Variants in DGKG observed in about 807,000 individuals in gnomAD.
DGKG encodes the protein diacylglycerol kinase gamma.
Under a neutral mutation model 105.3 loss-of-function variants are expected in DGKG, and 78 were observed. The ratio of observed to expected loss-of-function variants is 0.74; its 90% CI spans 0.62 to 0.89. The LOEUF is 0.89. DGKG is among the 40% of genes least tolerant of loss of function. The pLI is 0.00. For synonymous variants in DGKG, 346 were observed against 367.1 expected (o/e 0.94, Z 0.66); for missense variants, 958 against 1,020.1 (o/e 0.94, Z 0.83).
At chr3:186,330,719 C>T (rs1264525592) in intron 1 of DGKG, among the ~76,000 whole-genome samples, 1 of 152,176 alleles carries the variant, frequency 6.6e-6, no homozygotes, top group Non-Finnish European at 1.5e-5. Flanking sequence ...GCCATTCCAG[C>T]CAGCACCCAG....
At chr3:186,328,636 C>T (rs545606566) in intron 1 of DGKG, among the ~76,000 whole-genome samples, 1 of 149,500 alleles carries the variant, frequency 6.7e-6, no homozygotes, top group South Asian at 2.1e-4. Context: ...AGTGTTGTGG[C>T]ATGATCTCAG....
intron 22 of DGKG, among the ~76,000 whole-genome samples, chr3:186,167,377 G>T (rs1378712686): frequency 6.6e-6 from 1 of 152,116 alleles, no homozygotes; most frequent in African/African-American, 2.4e-5. Context: ...ATGTAACATT[G>T]TTTCCCAAAG....
chr3:186,240,929 G>C (rs1720655136), intron 20 of DGKG, among the ~76,000 whole-genome samples: 1 of 113,996 alleles, frequency 8.8e-6, no homozygotes, highest in African/African-American at 3.4e-5. Flanking sequence ...AAGACCGTTA[G>C]AGGAGATCAT....
At chr3:186,197,884 C>G (rs1718262654) in intron 21 of DGKG, among the ~76,000 whole-genome samples, 1 of 152,206 alleles carries the variant, frequency 6.6e-6, no homozygotes, top group Non-Finnish European at 1.5e-5. Context: ...ATGAGGCTTT[C>G]CTCAATGCTC....
At chr3:186,269,133 G>T (rs1426582901) in intron 11 of DGKG, among the ~76,000 whole-genome samples, 2 of 152,270 alleles carry the variant, frequency 1.3e-5, no homozygotes, top group Admixed American at 6.5e-5. Flanking sequence ...TAGATTAAAA[G>T]CTCGCTTTGC....
chr3:186,327,316 ATG>A (rs1725388489), intron 1 of DGKG, among the ~76,000 whole-genome samples: 1 of 151,396 alleles, frequency 6.6e-6, no homozygotes, highest in Admixed American at 6.6e-5. Context: ...GTGAGAAGAT[ATG>A]TGAATATCTT....
At chr3:186,297,531 T>C in intron 4 of DGKG, 48 bp from the exon 5 acceptor site, 1 of 1,339,846 alleles carries the variant, frequency 7.5e-7, no homozygotes, top group Non-Finnish European at 1.1e-6. Flanking sequence ...CCCTCTAGCT[T>C]CTTGGAAGGG....
At chr3:186,331,616 G>C (rs543775529) in intron 1 of DGKG, among the ~76,000 whole-genome samples, 6 of 152,258 alleles carry the variant, frequency 3.9e-5, no homozygotes, top group South Asian at 2.1e-4. Flanking sequence ...ATGCCCAGGT[G>C]GGGGAGCTGG....
In DGKG at chr3:186,175,285, G is replaced by C. The variant is rs374668063; in HGVS notation, c.2096-10267C>G. 1.1e-4 allele frequency among the ~76,000 whole-genome samples: 17 copies of C among 152,314 alleles called. No homozygotes were observed. The East Asian group carries it at 2.3e-3, about 21-fold the overall frequency. Reference sequence around the variant, plus strand: ...CACTGTGCAGAAGACAGAACATTCAGTACAGCCCTACACTGAGGCAAGAGA... The same window carrying C: ...CACTGTGCAGAAGACAGAACATTCACTACAGCCCTACACTGAGGCAAGAGA... On this transcript the variant is annotated intron_variant, in intron 22 of 24. Transcript: ENST00000265022.
chr3:186,228,109 G>A (rs1039567351), intron 20 of DGKG, among the ~76,000 whole-genome samples: 2 of 152,232 alleles, frequency 1.3e-5, no homozygotes, highest in Non-Finnish European at 2.9e-5. Context: ...GTGAGGAAGA[G>A]AGAATGACAT....
intron 2 of DGKG, among the ~76,000 whole-genome samples, chr3:186,307,509 G>T (rs1193906219): frequency 1.3e-5 from 2 of 152,212 alleles, no homozygotes; most frequent in Non-Finnish European, 2.9e-5. Context: ...TCAGAGTTAA[G>T]CATTCCCTTC....
intron 1 of DGKG, among the ~76,000 whole-genome samples, chr3:186,360,225 T>A (rs1200776214): frequency 6.6e-6 from 1 of 152,004 alleles, no homozygotes; most frequent in Non-Finnish European, 1.5e-5. Flanking sequence ...GAGTCTAGAT[T>A]TCAAGACACG....
rs568919746 is a variant in DGKG, at chr3:186,301,496, G to A, written c.145-3267C>T. 3.6e-3 allele frequency among the ~76,000 whole-genome samples: 548 copies of A among 152,196 alleles called. 3 individuals carry two copies. The highest frequency in any genetic ancestry group is 0.012 in the African/African-American group (512 of 41,534). On this transcript the variant is annotated intron_variant, in intron 3 of 24. Transcript: ENST00000265022. ...CAAACCATTAGCTGGGCGTGGTGGC[G>A]GGCGCCTGTAGTCCCAGCTACTCGG...
intron 20 of DGKG, among the ~76,000 whole-genome samples, chr3:186,221,249 G>A (rs977154573): frequency 5.9e-5 from 9 of 152,154 alleles, no homozygotes; most frequent in African/African-American, 2.2e-4. Flanking sequence ...ATGTTGTCAG[G>A]GTTTTCCTTT....
At chr3:186,301,126 C>A (rs1723900243) in intron 3 of DGKG, among the ~76,000 whole-genome samples, 1 of 152,216 alleles carries the variant, frequency 6.6e-6, no homozygotes, top group Non-Finnish European at 1.5e-5. Context: ...CACATCCAGA[C>A]CTTTTCTATG....
chr3:186,317,292 T>C (rs990133575), intron 2 of DGKG, among the ~76,000 whole-genome samples: 3 of 152,226 alleles, frequency 2.0e-5, no homozygotes, highest in Non-Finnish European at 4.4e-5. Flanking sequence ...AGCCTCTTCT[T>C]TTCTTTCCTA....
In DGKG at chr3:186,243,071, A is replaced by G. The variant is rs75466365; in HGVS notation, c.1762-503T>C. Among the ~76,000 whole-genome samples the G allele has an allele frequency of 1.2e-3, 185 of 152,204 alleles. 6 individuals are homozygous for G. In the East Asian group the frequency reaches 0.026, roughly 22 times the overall value. ...AGGTCCCGTTCACTCAGCTTCCCCC[A>G]ATGATAACATTTTATATAACTATAG... is the stretch of plus-strand genomic sequence containing the variant. On this transcript the variant is annotated intron_variant, in intron 19 of 24. Coordinates refer to ENST00000265022, the MANE Select transcript of DGKG (RefSeq NM_001346.3).
At chr3:186,308,756 T>C (rs534243018) in intron 2 of DGKG, among the ~76,000 whole-genome samples, 1 of 152,328 alleles carries the variant, frequency 6.6e-6, no homozygotes, top group South Asian at 2.1e-4. Context: ...GCTGCTTCCA[T>C]TCAATTCAGA....
At chr3:186,244,117 G>A (rs548885528) in intron 19 of DGKG, among the ~76,000 whole-genome samples, 114 of 151,690 alleles carry the variant, frequency 7.5e-4, no homozygotes, top group Non-Finnish European at 8.3e-4. Flanking sequence ...GGCTGGTCTC[G>A]AACCTCAGGT....
Sources: allele counts gnomAD v4.1 joint callset (sites outside exome capture counted in the v4.1 genomes callset), GRCh38; gene constraint gnomAD v4.1.1; transcripts MANE v1.5; gene names NCBI Gene and HGNC (gene_info 2026-07-23, HGNC 2026-07-21).